PTPRA: variants seen among roughly 807,000 people sequenced by gnomAD.
The protein encoded by PTPRA is protein tyrosine phosphatase receptor type A, also known as receptor-type tyrosine-protein phosphatase alpha.
Under a neutral mutation model 104.8 loss-of-function variants are expected in PTPRA, and 25 were observed. That is an observed-to-expected ratio of 0.24 (90% CI 0.17 to 0.33). PTPRA has a LOEUF of 0.33. Ranked by LOEUF, PTPRA falls within the 10% of genes least tolerant of loss-of-function variation. The pLI is 1.00. For missense variants in PTPRA, 765 were observed against 1,015.3 expected, an observed-to-expected ratio of 0.75 and a Z score of 3.35; for synonymous variants, 323 against 368.9, an observed-to-expected ratio of 0.88 and a Z score of 1.43.
chr20:2,975,057 G>A (rs1158055517), intron 5 of PTPRA, among the ~76,000 whole-genome samples, 158 bp from the exon 6 acceptor site: 2 of 152,216 alleles, frequency 1.3e-5, no homozygotes, highest in Admixed American at 6.5e-5. Context: ...ACTGTCCAAA[G>A]TTTAGTGAAT....
At chr20:3,030,338 G>T (rs916918298) in intron 20 of PTPRA, among the ~76,000 whole-genome samples, 2 of 152,154 alleles carry the variant, frequency 1.3e-5, no homozygotes, top group African/African-American at 4.8e-5. Context: ...TGTAGCTTAT[G>T]CTCTGTCTTC....
intron 9 of PTPRA, among the ~76,000 whole-genome samples, chr20:3,001,894 T>C (rs1357155620): frequency 6.6e-6 from 1 of 152,194 alleles, no homozygotes; most frequent in Non-Finnish European, 1.5e-5. Context: ...GTCATGCTGG[T>C]TTCCAGTAAA....
chr20:3,027,829 G>A lies in PTPRA; in HGVS notation c.1908G>A (p.Glu636=), dbSNP rs111735338. 362 of 1,614,162 alleles carry A rather than the reference G, an allele frequency of 2.2e-4. No individual in the cohort carries two copies. The African/African-American group carries it at 4.2e-3, about 19-fold the overall frequency. ...SCSIVMLTEL[E]ERGQEKCAQY... ...CTATCGTGATGCTAACAGAACTGGA[G>A]GAGAGAGGCCAGGTGAGTTCAAAAG... Residue 636 remains glutamate (E), a synonymous_variant, in exon 20 of 24, where the codon GAG becomes GAA. Transcript: ENST00000399903.
At chr20:3,000,274 C>G (rs1395430529) in intron 9 of PTPRA, among the ~76,000 whole-genome samples, 1 of 152,002 alleles carries the variant, frequency 6.6e-6, no homozygotes, top group East Asian at 1.9e-4. Flanking sequence ...GGTGACAGAA[C>G]AAGACTCCAT....
At chr20:2,895,875 A>G (rs574143890) in intron 1 of PTPRA, among the ~76,000 whole-genome samples, 4 of 152,212 alleles carry the variant, frequency 2.6e-5, no homozygotes, top group African/African-American at 7.2e-5. Context: ...ATGATGTACA[A>G]TGTCTTTTTT....
At chr20:2,955,647 C>T in intron 3 of PTPRA, 5 of 985,368 alleles carry the variant, frequency 5.1e-6, no homozygotes, top group Non-Finnish European at 4.8e-6. Flanking sequence ...AAGCTGATTT[C>T]TCTCACTGGC....
At chr20:2,935,464 G>A (rs890966510) in intron 2 of PTPRA, among the ~76,000 whole-genome samples, 1 of 152,152 alleles carries the variant, frequency 6.6e-6, no homozygotes, top group Admixed American at 6.5e-5. Context: ...GAACATAGTA[G>A]TACAGATATC....
At chr20:2,940,649 C>G (rs2060876342) in intron 2 of PTPRA, among the ~76,000 whole-genome samples, 1 of 152,114 alleles carries the variant, frequency 6.6e-6, no homozygotes, top group Non-Finnish European at 1.5e-5. Context: ...CAGCCTCGAC[C>G]TCCCAGGCTC....
the PTPRA span, chr20:2,866,835 G>GA: frequency 2.2e-6 from 1 of 457,260 alleles, no homozygotes; most frequent in South Asian, 4.0e-5. Flanking sequence ...GTTGGGACCG[G>GA]AGGTGGGGGC....
At chr20:2,958,658 T>TTA (rs1219740019) in intron 3 of PTPRA, among the ~76,000 whole-genome samples, 6 of 62,282 alleles carry the variant, frequency 9.6e-5, no homozygotes, top group Non-Finnish European at 1.9e-4. Context: ...CCATCTCTAC[T>TTA]AAAAAAAAAA....
intron 5 of PTPRA, among the ~76,000 whole-genome samples, chr20:2,973,652 C>T (rs2062289836): frequency 6.6e-6 from 1 of 152,092 alleles, no homozygotes; most frequent in Non-Finnish European, 1.5e-5. Flanking sequence ...CTGCGAAGGA[C>T]AAACAAAGGG....
upstream of PTPRA, among the ~76,000 whole-genome samples, chr20:2,870,799 C>T (rs1232010502): frequency 7.2e-5 from 11 of 152,206 alleles, no homozygotes; most frequent in Admixed American, 3.9e-4. Flanking sequence ...TGCGAAATGC[C>T]TACCTGTAGG....
intron 2 of PTPRA, among the ~76,000 whole-genome samples, chr20:2,924,483 A>G (rs1334586284): frequency 6.6e-6 from 1 of 152,232 alleles, no homozygotes; most frequent in African/African-American, 2.4e-5. Flanking sequence ...AACTACCAGT[A>G]GACATGACAA....
intron 1 of PTPRA, among the ~76,000 whole-genome samples, chr20:2,897,370 A>G (rs1439271343): frequency 1.4e-5 from 2 of 147,912 alleles, no homozygotes; most frequent in African/African-American, 5.0e-5. Context: ...TTCTGAATTC[A>G]TCACTTGGCA....
At chr20:2,993,693 A>C (rs1568685967) in intron 9 of PTPRA, among the ~76,000 whole-genome samples, 1 of 152,266 alleles carries the variant, frequency 6.6e-6, no homozygotes, top group African/African-American at 2.4e-5. Context: ...CCTGCGGTTC[A>C]CATGGAGACT....
chr20:2,975,701 G>A (rs1213097947), intron 6 of PTPRA, among the ~76,000 whole-genome samples: 4 of 152,126 alleles, frequency 2.6e-5, no homozygotes, highest in Non-Finnish European at 5.9e-5. Flanking sequence ...TCTATGGCCT[G>A]AGATGTTGTG....
intron 1 of PTPRA, among the ~76,000 whole-genome samples, chr20:2,901,286 G>A (rs1258488470): frequency 6.6e-6 from 1 of 152,004 alleles, no homozygotes; most frequent in East Asian, 1.9e-4. Context: ...TTCCCTTGAG[G>A]AGAATTACAG....
At chr20:2,986,251 A>C (rs1004968674) in intron 6 of PTPRA, among the ~76,000 whole-genome samples, 3 of 152,106 alleles carry the variant, frequency 2.0e-5, no homozygotes, top group African/African-American at 4.8e-5. Context: ...GTGCCCGGAA[A>C]CCATTTGGGT....
At chr20:3,002,606 C>T (rs935203036) in intron 9 of PTPRA, among the ~76,000 whole-genome samples, 2 of 152,256 alleles carry the variant, frequency 1.3e-5, no homozygotes, top group South Asian at 2.1e-4. Flanking sequence ...GGATTACAGG[C>T]GTGAGCCACC....
Sources: gnomAD v4.1 joint callset for allele counts (sites outside exome capture counted in the v4.1 genomes callset) on GRCh38, gnomAD v4.1.1 for gene constraint, MANE v1.5 for transcripts, NCBI Gene and HGNC (gene_info 2026-07-23, HGNC 2026-07-21) for gene names.